Variants in HLCS observed in about 807,000 individuals in gnomAD.
HLCS encodes the protein biotin--protein ligase.
In HLCS, 53 loss-of-function variants were observed where a neutral mutation model predicts 75.0. That is an observed-to-expected ratio of 0.71 (90% CI 0.57 to 0.89). HLCS has a LOEUF of 0.89. Ranked by LOEUF, HLCS falls within the 40% of genes least tolerant of loss-of-function variation. HLCS has a pLI of 0.00. For synonymous variants in HLCS, 431 were observed against 428.6 expected (o/e 1.01, Z -0.07); for missense variants, 966 against 1,074.0 (o/e 0.90, Z 1.41).
chr21:36,850,444 T>C (rs2409842), intron 6 of HLCS, among the ~76,000 whole-genome samples: 146,621 of 152,220 alleles, frequency 0.96, 70,711 homozygotes, highest in African/African-American at 0.99. Flanking sequence ...TCAGGGAGTC[T>C]GAGAAAATCG....
intron 6 of HLCS, among the ~76,000 whole-genome samples, chr21:36,870,657 A>G (rs2063738206): frequency 6.6e-6 from 1 of 152,348 alleles, no homozygotes; most frequent in Non-Finnish European, 1.5e-5. Context: ...AAGTAACTGG[A>G]AGTCTTAAAA....
At position 36,962,624 on chromosome 21, in the gene HLCS, C is replaced by T. The variant is rs575873918; in HGVS notation, c.196-454G>A. 2.0e-5 allele frequency among the ~76,000 whole-genome samples: 3 copies of T among 151,874 alleles called. No homozygotes were observed. The South Asian group carries it at 6.3e-4, about 32-fold the overall frequency. ...CCAACATGGTGAAACCTTATCTCTACAAAAAACATACCAAAAAAATGAGTT... is the reference window on the plus strand; with the variant it reads ...CCAACATGGTGAAACCTTATCTCTATAAAAAACATACCAAAAAAATGAGTT... On this transcript the variant is annotated intron_variant, in intron 1 of 10. Transcript: ENST00000674895.
intron 6 of HLCS, among the ~76,000 whole-genome samples, chr21:36,801,900 T>C (rs111290206): frequency 0.012 from 1,879 of 152,226 alleles, 32 homozygotes; most frequent in African/African-American, 0.042. Flanking sequence ...TCCCAAAGTA[T>C]TGGGACTACA....
At chr21:36,910,753 G>A (rs557304946) in intron 5 of HLCS, among the ~76,000 whole-genome samples, 3 of 152,150 alleles carry the variant, frequency 2.0e-5, no homozygotes, top group African/African-American at 4.8e-5. Context: ...TCCCTTATGC[G>A]GCAGCTTCTG....
intron 6 of HLCS, among the ~76,000 whole-genome samples, chr21:36,841,053 C>A (rs2062598419): frequency 6.6e-6 from 1 of 151,856 alleles, no homozygotes; most frequent in African/African-American, 2.4e-5. Flanking sequence ...ATAAATTATA[C>A]CTCAATTAAA....
At chr21:36,881,306 T>C (rs952686991) in intron 6 of HLCS, among the ~76,000 whole-genome samples, 1 of 152,098 alleles carries the variant, frequency 6.6e-6, no homozygotes, top group African/African-American at 2.4e-5. Context: ...CACTCAGCTG[T>C]AATTGGAGAC....
In HLCS at chr21:36,930,440, G is replaced by C. The variant is rs2066587989; in HGVS notation, c.1438-7C>G. On this transcript the variant is annotated splice_region_variant and splice_polypyrimidine_tract_variant and intron_variant, in intron 4 of 10. Coordinates refer to ENST00000674895, the MANE Select transcript of HLCS (RefSeq NM_001352514.2). ...GAGGTAGTTCTAAGTGCACCTGAAG[G>C]GGAAAGATAGCACTATGTAAACTGA... The C allele has an allele frequency of 6.2e-7, 1 of 1,611,852 alleles. No individual in the cohort carries two copies. Among genetic ancestry groups the C allele is most frequent in the Non-Finnish European group, 8.5e-7 (1 of 1,178,136 alleles).
intron 6 of HLCS, among the ~76,000 whole-genome samples, chr21:36,773,489 G>A (rs1332089667): frequency 6.6e-6 from 1 of 152,228 alleles, no homozygotes; most frequent in East Asian, 1.9e-4. Flanking sequence ...CTGAGGCATC[G>A]TGCCCTGCAG....
chr21:36,988,604 C>T (rs2069272548), intron 1 of HLCS, among the ~76,000 whole-genome samples: 1 of 152,186 alleles, frequency 6.6e-6, no homozygotes, highest in Non-Finnish European at 1.5e-5. Flanking sequence ...GGGGTAAATG[C>T]ATATGTAGTT....
chr21:36,920,389 T>G (rs1239022289), intron 5 of HLCS, among the ~76,000 whole-genome samples: 1 of 147,570 alleles, frequency 6.8e-6, no homozygotes, highest in Non-Finnish European at 1.5e-5. Context: ...GGGGCAGAGA[T>G]GGGAATGGTT....
chr21:36,807,114 G>A (rs2061384327), intron 6 of HLCS, among the ~76,000 whole-genome samples: 1 of 152,180 alleles, frequency 6.6e-6, no homozygotes, highest in Non-Finnish European at 1.5e-5. Context: ...AAAAGGAGTT[G>A]CCATCCCATT....
In HLCS at chr21:36,936,987, C is replaced by T. The variant is rs528690663; in HGVS notation, c.899G>A (p.Arg300Lys). 2 of 1,614,150 alleles carry T rather than the reference C, an allele frequency of 1.2e-6. No individual in the cohort carries two copies. Among genetic ancestry groups the T allele is most frequent in the African/African-American group, 2.7e-5 (2 of 75,030 alleles). Residue 300 changes from arginine (R) to lysine (K), a missense_variant, in exon 4 of 11, where the codon AGG becomes AAG. Arg to Lys is a conservative substitution (Grantham distance 26, BLOSUM62 2). Coordinates refer to ENST00000674895, the MANE Select transcript of HLCS (RefSeq NM_001352514.2). ...TGCCTTTCCCGTGAGGTTGACTCTC[C>T]TCCCTTCTCTTTCGGGGGAGGTCTC... ...ADETSPEREG[R>K]RVNLTGKAPN...
chr21:36,973,721 T>G (rs1893655), intron 1 of HLCS: 62,261 of 152,170 alleles, frequency 0.41, 13,476 homozygotes, highest in South Asian at 0.53. Context: ...GAGGGCACTG[T>G]GGCTCATGCC....
intron 1 of HLCS, among the ~76,000 whole-genome samples, chr21:36,989,664 CT>C (rs533805190): frequency 4.6e-5 from 7 of 151,712 alleles, no homozygotes; most frequent in Admixed American, 3.9e-4. Context: ...ATGTATCAGT[CT>C]TTTTTTTCCG....
intron 2 of HLCS, among the ~76,000 whole-genome samples, chr21:36,954,490 C>A (rs1680946829): frequency 6.6e-6 from 1 of 151,682 alleles, no homozygotes; most frequent in South Asian, 2.1e-4. Context: ...GTGGCGGGCG[C>A]CTGTAGTCCC....
chr21:36,809,448 G>A (rs2061448256), intron 6 of HLCS, among the ~76,000 whole-genome samples: 1 of 152,156 alleles, frequency 6.6e-6, no homozygotes, highest in African/African-American at 2.4e-5. Context: ...GGTGTTTCTT[G>A]AGCATATGAT....
chr21:36,779,020 G>C (rs1601206633), intron 6 of HLCS, among the ~76,000 whole-genome samples: 1 of 151,822 alleles, frequency 6.6e-6, no homozygotes, highest in East Asian at 1.9e-4. Context: ...GGCTAAGAAA[G>C]AGATAGAAAA....
At chr21:36,957,516 A>G (rs1216427867) in intron 2 of HLCS, among the ~76,000 whole-genome samples, 1 of 152,240 alleles carries the variant, frequency 6.6e-6, no homozygotes, top group African/African-American at 2.4e-5. Context: ...CAAAAAGAAA[A>G]GCCAGATATT....
At chr21:36,864,556 T>C (rs985227378) in intron 6 of HLCS, among the ~76,000 whole-genome samples, 3 of 152,192 alleles carry the variant, frequency 2.0e-5, no homozygotes, top group African/African-American at 4.8e-5. Context: ...CATCAAAAAA[T>C]TGTAGTTTTT....
Sources: allele counts gnomAD v4.1 joint callset (sites outside exome capture counted in the v4.1 genomes callset), GRCh38; gene constraint gnomAD v4.1.1; transcripts MANE v1.5; gene names NCBI Gene and HGNC (gene_info 2026-07-23, HGNC 2026-07-21).